FBXO31: variants seen among roughly 807,000 people sequenced by gnomAD.
FBXO31 encodes F-box protein 31.
A neutral mutation model predicts 54.4 loss-of-function variants in FBXO31; 24 were observed. That is an observed-to-expected ratio of 0.44 (90% CI 0.32 to 0.62). The LOEUF (loss-of-function observed/expected upper bound fraction) is 0.62. Ranked by LOEUF, FBXO31 falls within the 20% of genes least tolerant of loss-of-function variation. The pLI is 0.05. For missense variants in FBXO31, 665 were observed against 787.1 expected, an observed-to-expected ratio of 0.84 and a Z score of 1.86; for synonymous variants, 388 against 335.6, an observed-to-expected ratio of 1.16 and a Z score of -1.71.
intron 1 of FBXO31, among the ~76,000 whole-genome samples, chr16:87,369,890 A>G (rs1906525867): frequency 6.6e-6 from 1 of 152,198 alleles, no homozygotes; most frequent in Non-Finnish European, 1.5e-5. Context: ...AAAAAATGCT[A>G]TTTAAAAGCT....
intron 1 of FBXO31, among the ~76,000 whole-genome samples, chr16:87,365,255 G>GTT (rs1238708023): frequency 6.6e-6 from 1 of 151,034 alleles, no homozygotes; most frequent in Non-Finnish European, 1.5e-5. Flanking sequence ...TCCTGAGCAG[G>GTT]GGCAGCGAGC....
At chr16:87,381,563 G>C (rs1277195092) in intron 1 of FBXO31, among the ~76,000 whole-genome samples, 2 of 152,196 alleles carry the variant, frequency 1.3e-5, no homozygotes, top group African/African-American at 4.8e-5. Flanking sequence ...CAGGGGCCTC[G>C]ACCATTAAGC....
Position 87,345,401 on chromosome 16 carries a change from A to G in FBXO31, c.490-1636T>C, listed in dbSNP as rs1417495088. 6.6e-6 allele frequency among the ~76,000 whole-genome samples: 1 copy of G among 152,118 alleles called. No individual in the cohort carries two copies. Among genetic ancestry groups the G allele is most frequent in the Non-Finnish European group, 1.5e-5 (1 of 68,016 alleles). Reference sequence around the variant, plus strand: ...ACCGGAAGCCATGCAGACTCCATGCAGACACTGGCACCACGCAGAGCCCGC... The same window carrying G: ...ACCGGAAGCCATGCAGACTCCATGCGGACACTGGCACCACGCAGAGCCCGC... On this transcript the variant is annotated intron_variant, in intron 3 of 8. Coordinates refer to ENST00000311635, the MANE Select transcript of FBXO31 (RefSeq NM_024735.5). This position sits in a 1 kb window ranked among gnomAD's most constrained non-coding sequence, Gnocchi z 4.9.
chr16:87,346,841 G>A lies in FBXO31; in HGVS notation c.489+333C>T, dbSNP rs74038730. ...AACATGGGGGGCAAAGACCAGGAAC[G>A]GAAGGACCTGGCTGAGGGCGGGCTC... On this transcript the variant is annotated intron_variant, in intron 3 of 8. Coordinates refer to ENST00000311635, the MANE Select transcript of FBXO31 (RefSeq NM_024735.5). This position sits in a 1 kb window ranked among gnomAD's most constrained non-coding sequence, Gnocchi z 4.2. Among the ~76,000 whole-genome samples, 1,785 of 152,286 alleles carry A rather than the reference G, an allele frequency of 0.012. 37 individuals carry two copies. Among genetic ancestry groups the A allele is most frequent in the African/African-American group, 0.041 (1,699 of 41,570 alleles).
chr16:87,348,351 G>A (rs1905486150), intron 2 of FBXO31, among the ~76,000 whole-genome samples: 1 of 152,242 alleles, frequency 6.6e-6, no homozygotes, highest in Non-Finnish European at 1.5e-5. Flanking sequence ...GATGAAGTCT[G>A]CCTCGACTTC....
upstream of FBXO31, among the ~76,000 whole-genome samples, chr16:87,386,931 G>A (rs1907345450): frequency 6.6e-6 from 1 of 152,288 alleles, no homozygotes; most frequent in Non-Finnish European, 1.5e-5. Flanking sequence ...AGGGACAAAA[G>A]ACAGACAGCA....
intron 3 of FBXO31, among the ~76,000 whole-genome samples, chr16:87,344,385 G>A (rs540087705): frequency 5.3e-5 from 8 of 152,342 alleles, no homozygotes; most frequent in East Asian, 1.9e-4. Flanking sequence ...TCGCGTGTCC[G>A]GGCGCCGATC....
intron 8 of FBXO31, among the ~76,000 whole-genome samples, chr16:87,333,489 G>A (rs1904934980): frequency 6.6e-6 from 1 of 152,226 alleles, no homozygotes; most frequent in Non-Finnish European, 1.5e-5. Context: ...GGTGGGGAAG[G>A]GGCCTTGTTC....
At chr16:87,353,709 C>A (rs1464822514) in intron 2 of FBXO31, among the ~76,000 whole-genome samples, 1 of 151,298 alleles carries the variant, frequency 6.6e-6, no homozygotes, top group Non-Finnish European at 1.5e-5. Flanking sequence ...CAAGACCCTT[C>A]GGCGGGAGCA....
rs917719412 is a variant in FBXO31 at position 87,358,905 on chromosome 16, C to T, written c.412+1390G>A. ...CCCCGGCTAACATACTCACTTTGCC[C>T]AGCACCCACCTGGCGTTTCCCAGCC... On this transcript the variant is annotated intron_variant, in intron 2 of 8. Transcript: ENST00000311635. This position sits in a 1 kb window ranked among gnomAD's most constrained non-coding sequence, Gnocchi z 4.0. Among the ~76,000 whole-genome samples the T allele has an allele frequency of 6.6e-6, 1 of 152,132 alleles. No homozygotes were observed. The highest frequency in any genetic ancestry group is 2.4e-5 in the African/African-American group (1 of 41,426).
Position 87,335,206 on chromosome 16 carries a change from G to T in FBXO31, c.996+98C>A. 3 of 1,547,496 alleles carry T rather than the reference G, an allele frequency of 1.9e-6. No homozygotes were observed. Among genetic ancestry groups the T allele is most frequent in the East Asian group, 2.2e-5 (1 of 44,450 alleles). On this transcript the variant is annotated intron_variant, in intron 7 of 8. Transcript: ENST00000311635. This position sits in a 1 kb window ranked among gnomAD's most constrained non-coding sequence, Gnocchi z 5.7. Reference sequence around the variant, plus strand: ...GTGCAAGCCCACTCTGAGGAGCAAGGGTGCCGGGGATCAGTGTCTGCCCAA... The same window carrying T: ...GTGCAAGCCCACTCTGAGGAGCAAGTGTGCCGGGGATCAGTGTCTGCCCAA...
At chr16:87,377,828 C>CAA (rs1257957419) in intron 1 of FBXO31, among the ~76,000 whole-genome samples, 1 of 127,432 alleles carries the variant, frequency 7.8e-6, no homozygotes, top group Non-Finnish European at 1.7e-5. Flanking sequence ...GACCCAGTCT[C>CAA]AAAAAAAAAA....
intron 1 of FBXO31, 26 bp from the exon 2 acceptor site, chr16:87,360,392 T>G (rs752575998): frequency 1.2e-6 from 2 of 1,611,338 alleles, no homozygotes; most frequent in Non-Finnish European, 1.7e-6. Flanking sequence ...TTTGCAGAAA[T>G]TTAAGATCAA....
intron 1 of FBXO31, chr16:87,367,008 G>A (rs76934887): frequency 6.6e-6 from 1 of 152,014 alleles, no homozygotes; most frequent in African/African-American, 2.4e-5. Context: ...TGAGACCCCA[G>A]CTCTACAAAA....
intron 7 of FBXO31, 90 bp from the exon 8 acceptor site, chr16:87,334,376 A>G (rs1195982952): frequency 8.8e-6 from 11 of 1,256,796 alleles, no homozygotes; most frequent in Non-Finnish European, 1.2e-5. Context: ...CCTCTGGCTG[A>G]GCGAGCTGGC....
rs906887274 is a variant in FBXO31, at chr16:87,370,094, G to T, written c.341-9728C>A. On this transcript the variant is annotated intron_variant, in intron 1 of 8. Transcript: ENST00000311635. ...TGCAGCACAGGCCTGAATGGGGCCT[G>T]CATCTAGTCCATCTCTCTGGTGGGA... 1.6e-4 allele frequency among the ~76,000 whole-genome samples: 25 copies of T among 152,258 alleles called. 1 individual carries two copies. Among genetic ancestry groups the T allele is most frequent in the Admixed American group, 1.6e-3 (24 of 15,294 alleles).
chr16:87,348,259 C>T (rs946347280), intron 2 of FBXO31, among the ~76,000 whole-genome samples: 2 of 152,220 alleles, frequency 1.3e-5, no homozygotes, highest in African/African-American at 2.4e-5. Context: ...GCCTCAGCCT[C>T]CCAGGTCAGC....
intron 1 of FBXO31, among the ~76,000 whole-genome samples, chr16:87,365,307 C>T (rs1048699678): frequency 2.0e-5 from 3 of 151,870 alleles, no homozygotes; most frequent in Admixed American, 2.0e-4. Context: ...AGACCAATCC[C>T]ACTCCTTAAA....
At chr16:87,342,804 T>C in intron 5 of FBXO31, 73 bp downstream of exon 5, 2 of 1,319,098 alleles carry the variant, frequency 1.5e-6, no homozygotes, top group Non-Finnish European at 2.1e-6. Context: ...CTCTCCCGCA[T>C]GGGTCTGTAC....
Sources: gnomAD v4.1 joint callset for allele counts (sites outside exome capture counted in the v4.1 genomes callset) on GRCh38, gnomAD v4.1.1 for gene constraint, Gnocchi (gnomAD v3.1) non-coding constraint, MANE v1.5 for transcripts, NCBI Gene and HGNC (gene_info 2026-07-23, HGNC 2026-07-21) for gene names.